Variants in OSGIN1 observed in about 807,000 individuals in gnomAD.
OSGIN1 encodes oxidative stress-induced growth inhibitor 1.
OSGIN1 carries 19 observed loss-of-function variants against 20.1 expected under a neutral mutation model. The ratio of observed to expected loss-of-function variants is 0.95; its 90% CI spans 0.66 to 1.39. OSGIN1 has a LOEUF of 1.39. Ranked by LOEUF, OSGIN1 falls within the 40% of genes most tolerant of loss-of-function variation. OSGIN1 has a pLI of 0.00. For missense variants in OSGIN1, 820 were observed against 653.0 expected (o/e 1.26, Z -2.79); for synonymous variants, 368 against 297.8 (o/e 1.24, Z -2.43).
At chr16:83,957,865 T>G in intron 2 of OSGIN1, 127 bp downstream of exon 2, 1 of 357,536 alleles carries the variant, frequency 2.8e-6, no homozygotes, top group Middle Eastern at 7.3e-4. Context: ...TATTTTTTAT[T>G]TATTTATTTA....
rs747426408 is a variant in OSGIN1 at position 83,957,648 on chromosome 16, C to G, written c.-24C>G. The G allele has an allele frequency of 1.3e-6, 2 of 1,580,350 alleles. No individual in the cohort carries two copies. The highest frequency in any genetic ancestry group is 4.6e-5 in the East Asian group (2 of 43,272). On this transcript the variant is annotated 5_prime_UTR_variant, in exon 2 of 6. Coordinates refer to ENST00000393306, the MANE Select transcript of OSGIN1 (RefSeq NM_182981.3). ...CCTCTCCCCCACTCCAGGTCCGCTGCCAGCCCCAAGCCCCCCACCAGCCAT... is the reference window on the plus strand; with the variant it reads ...CCTCTCCCCCACTCCAGGTCCGCTGGCAGCCCCAAGCCCCCCACCAGCCAT...
intron 5 of OSGIN1, among the ~76,000 whole-genome samples, chr16:83,964,310 T>TTAAAATAAAA (rs1555544650): frequency 6.6e-6 from 1 of 151,246 alleles, no homozygotes; most frequent in East Asian, 1.9e-4. Flanking sequence ...TCTCAAAAAA[T>TTAAAATAAAA]TAAAATAAAA....
intron 5 of OSGIN1, among the ~76,000 whole-genome samples, chr16:83,963,141 C>T (rs1277295444): frequency 6.6e-6 from 1 of 152,194 alleles, no homozygotes; most frequent in African/African-American, 2.4e-5. Flanking sequence ...CCCTCCAGGC[C>T]TCACTATCTC....
chr16:83,964,374 C>G (rs1269576133), intron 5 of OSGIN1, among the ~76,000 whole-genome samples: 2 of 152,042 alleles, frequency 1.3e-5, no homozygotes, highest in African/African-American at 2.4e-5. Context: ...AAGTACGTAA[C>G]TCCTGTGAGT....
Position 83,953,277 on chromosome 16 carries a change from G to C in OSGIN1, c.-126G>C. The C allele has an allele frequency of 2.3e-6, 3 of 1,288,492 alleles. No individual in the cohort carries two copies. Among genetic ancestry groups the C allele is most frequent in the African/African-American group, 1.5e-5 (1 of 65,962 alleles). The allele number at this position is 1,288,492 out of a possible 1,614,324, so 79.8% of individuals were successfully genotyped here. On this transcript the variant is annotated 5_prime_UTR_variant, in exon 1 of 6. Transcript: ENST00000393306. ...ATCCCCACAGGGTAATGGGTGTCCCGATCTCGCGGGGGACTCTGTGATCCG... is the reference window on the plus strand; with the variant it reads ...ATCCCCACAGGGTAATGGGTGTCCCCATCTCGCGGGGGACTCTGTGATCCG...
In OSGIN1 at chr16:83,962,484, G is replaced by A. The variant is rs568961921; in HGVS notation, c.488+1412G>A. 1.7e-3 allele frequency among the ~76,000 whole-genome samples: 264 copies of A among 152,256 alleles called. 1 individual carries two copies. Among genetic ancestry groups the A allele is most frequent in the African/African-American group, 5.6e-3 (233 of 41,554 alleles). Reference sequence around the variant, plus strand: ...TCTCGATCTCCTGATCTCGTGATCCGCCCACCTCGGCCTCCCAAAGTGCTG... The same window carrying A: ...TCTCGATCTCCTGATCTCGTGATCCACCCACCTCGGCCTCCCAAAGTGCTG... On this transcript the variant is annotated intron_variant, in intron 5 of 5. Transcript: ENST00000393306.
rs1459888528 is a variant in OSGIN1 at position 83,953,351 on chromosome 16, C to G, written c.-52C>G. On this transcript the variant is annotated 5_prime_UTR_variant, in exon 1 of 6. Coordinates refer to ENST00000393306, the MANE Select transcript of OSGIN1 (RefSeq NM_182981.3). Reference sequence around the variant, plus strand: ...ACAACTTGGCCGGGCTCACTGGGCTCCTGCACCACTGCCTGTCAGGTGAGT... The same window carrying G: ...ACAACTTGGCCGGGCTCACTGGGCTGCTGCACCACTGCCTGTCAGGTGAGT... The G allele has an allele frequency of 2.3e-6, 3 of 1,288,844 alleles. No individual in the cohort carries two copies. The highest frequency in any genetic ancestry group is 3.0e-6 in the Non-Finnish European group (3 of 988,580). 79.8% of individuals were successfully genotyped at this position (1,288,844 alleles called of 1,614,324 possible).
intron 1 of OSGIN1, among the ~76,000 whole-genome samples, 193 bp downstream of exon 1, chr16:83,953,563 T>A (rs1314522292): frequency 1.3e-5 from 2 of 152,160 alleles, no homozygotes; most frequent in African/African-American, 2.4e-5. Flanking sequence ...TCCTCCCAGA[T>A]CCTCAGCTGT....
intron 5 of OSGIN1, among the ~76,000 whole-genome samples, chr16:83,961,682 CAT>C (rs2084215574): frequency 1.3e-5 from 2 of 152,166 alleles, no homozygotes; most frequent in African/African-American, 2.4e-5. Context: ...GTCCACCCCA[CAT>C]GAGTGGGGGT....
chr16:83,958,444 T>C (rs1024246433), intron 2 of OSGIN1, among the ~76,000 whole-genome samples: 1 of 152,212 alleles, frequency 6.6e-6, no homozygotes, highest in Admixed American at 6.5e-5. Context: ...TTATGATTCC[T>C]GTCCTCTGTC....
At chr16:83,957,862 TA>T in intron 2 of OSGIN1, 124 bp downstream of exon 2, 3 of 226,926 alleles carry the variant, frequency 1.3e-5, no homozygotes, top group Admixed American at 6.8e-5. Flanking sequence ...GTTTATTTTT[TA>T]TTTATTTATT....
Position 83,957,811 on chromosome 16 carries a change from G to T in OSGIN1, c.67+73G>T, listed in dbSNP as rs548440444. 7.0e-6 allele frequency: 5 copies of T among 714,272 alleles called. No individual in the cohort carries two copies. The East Asian group carries it at 1.3e-4, about 19-fold the overall frequency. 44.2% of individuals were successfully genotyped at this position (714,272 alleles called of 1,614,324 possible). A position where few individuals can be genotyped will look rare whatever the true frequency, so the allele number is the denominator to read the frequency against. On this transcript the variant is annotated intron_variant, in intron 2 of 5. Transcript: ENST00000393306. ...GTACCCCCCAGGTCTGAGGGCAGGA[G>T]CTGGGCAAGTCCAGGCCTGGTGTCT...
intron 4 of OSGIN1, 57 bp downstream of exon 4, chr16:83,960,817 C>T (rs1332012779): frequency 1.9e-6 from 3 of 1,562,908 alleles, no homozygotes; most frequent in Non-Finnish European, 1.7e-6. Flanking sequence ...GTTCTCCCCA[C>T]TTGGGGCTGG....
At position 83,954,842 on chromosome 16, in the gene OSGIN1, A is replaced by G. The variant is rs1028354791; in HGVS notation, c.-33+1472A>G. 1.1e-5 allele frequency: 7 copies of G among 638,172 alleles called. No homozygotes were observed. In the South Asian group the frequency reaches 4.7e-4, roughly 43 times the overall value. The allele number at this position is 638,172 out of a possible 1,614,324, so 39.5% of individuals were successfully genotyped here. The stretch of plus-strand genomic sequence containing the variant: ...CATTGGCCAGCAGGGGCTCCTGCAA[A>G]TGCCCTTCTTGGGGTGGTGGGAAAA... On this transcript the variant is annotated intron_variant, in intron 1 of 5. Transcript: ENST00000393306.
Position 83,965,202 on chromosome 16 carries a change from G to A in OSGIN1, c.629G>A (p.Ser210Asn). Residue 210 changes from serine to asparagine, a missense_variant, in exon 6 of 6, where the codon AGC becomes AAC. By Grantham distance (46) the Ser-to-Asn change is conservative. Transcript: ENST00000393306. ...AVEWGTPDPS[S>N]CGAQDSSPLF... ...GAGTGGGGGACCCCCGATCCCAGCA[G>A]CTGTGGGGCCCAGGACTCCAGCCCC... The A allele has an allele frequency of 6.2e-7, 1 of 1,613,218 alleles. No individual in the cohort carries two copies. Among genetic ancestry groups the A allele is most frequent in the Non-Finnish European group, 8.5e-7 (1 of 1,180,008 alleles).
In OSGIN1 at chr16:83,965,956, C is replaced by T; in HGVS notation, c.1383C>T (p.Ala461=). 6.2e-7 allele frequency: 1 copy of T among 1,609,560 alleles called. No homozygotes were observed. The highest frequency in any genetic ancestry group is 8.5e-7 in the Non-Finnish European group (1 of 1,178,576). Residue 461 remains alanine, a synonymous_variant, in exon 6 of 6, where the codon GCC becomes GCT. Transcript: ENST00000393306. ...TCGTGAGGTTTGTGCAGGGGGGCGC[C>T]TTGGCTGTGGCCAGCTCCCTGCTAA... is the stretch of plus-strand genomic sequence containing the variant. ...DNFVRFVQGG[A]LAVASSLLRK... is the part of the protein sequence containing the mutation.
chr16:83,956,035 C>T (rs1233036338), intron 1 of OSGIN1, among the ~76,000 whole-genome samples: 1 of 152,232 alleles, frequency 6.6e-6, no homozygotes, highest in African/African-American at 2.4e-5. Flanking sequence ...TCCTTCTCCT[C>T]ACCTGCAAGA....
Position 83,965,209 on chromosome 16 carries a change from G to T in OSGIN1, c.636G>T (p.Gly212=). ...EWGTPDPSSC[G]AQDSSPLFQV... is the part of the protein sequence containing the mutation. ...GGACCCCCGATCCCAGCAGCTGTGG[G>T]GCCCAGGACTCCAGCCCCCTCTTCC... The change falls in exon 6 of 6, where the codon GGG becomes GGT. Residue 212 remains glycine, a synonymous_variant. Coordinates refer to ENST00000393306, the MANE Select transcript of OSGIN1 (RefSeq NM_182981.3). The T allele has an allele frequency of 6.2e-7, 1 of 1,613,114 alleles. No homozygotes were observed. The highest frequency in any genetic ancestry group is 8.5e-7 in the Non-Finnish European group (1 of 1,179,990).
At chr16:83,953,867 G>C (rs1167978512) in intron 1 of OSGIN1, among the ~76,000 whole-genome samples, 1 of 152,256 alleles carries the variant, frequency 6.6e-6, no homozygotes, top group Non-Finnish European at 1.5e-5. Context: ...CGGCGGGTTG[G>C]GAGGGCGGCC....
Sources: allele counts gnomAD v4.1 joint callset (sites outside exome capture counted in the v4.1 genomes callset), GRCh38; gene constraint gnomAD v4.1.1; transcripts MANE v1.5; gene names NCBI Gene and HGNC (gene_info 2026-07-23, HGNC 2026-07-21).